Variants in LRRC27 observed in about 807,000 individuals in gnomAD.
LRRC27 encodes the protein leucine rich repeat containing 27.
A neutral mutation model predicts 55.0 loss-of-function variants in LRRC27; 57 were observed. The ratio of observed to expected loss-of-function variants is 1.04; its 90% CI spans 0.84 to 1.29. The LOEUF is 1.29. LRRC27 is among the 50% of genes most tolerant of loss of function. The probability of loss-of-function intolerance (pLI) is 0.00; values close to 1 mark genes in which losing one functional copy is unlikely to be tolerated. For synonymous variants in LRRC27, 278 were observed against 251.9 expected (o/e 1.10, Z -0.98); for missense variants, 721 against 651.5 (o/e 1.11, Z -1.16).
chr10:132,375,535 C>A lies in LRRC27; in HGVS notation c.*293C>A. The stretch of plus-strand genomic sequence containing the variant: ...CAGAGTGCTCACACTCAGGCACTTG[C>A]CTCTCTCCTGTCCTGGAGCCCTTGT... On this transcript the variant is annotated 3_prime_UTR_variant, in exon 11 of 11. Coordinates refer to ENST00000368614, the MANE Select transcript of LRRC27 (RefSeq NM_030626.3). The A allele has an allele frequency of 3.3e-6, 1 of 300,604 alleles. No homozygotes were observed. Among genetic ancestry groups the A allele is most frequent in the Non-Finnish European group, 6.2e-6 (1 of 161,736 alleles). 18.6% of individuals were successfully genotyped at this position (300,604 alleles called of 1,614,324 possible). A position where few individuals can be genotyped will look rare whatever the true frequency, so the allele number is the denominator to read the frequency against.
chr10:132,333,666 C>T lies in LRRC27; in HGVS notation c.142C>T (p.Pro48Ser), dbSNP rs1412842676. 17 of 1,613,648 alleles carry T rather than the reference C, an allele frequency of 1.1e-5. No individual in the cohort carries two copies. In the Admixed American group the frequency reaches 1.8e-4, roughly 17 times the overall value. ...GVGGIIFSSS[P>S]ILDLSESGLC... Reference sequence around the variant, plus strand: ...TGGAGGCATCATCTTTTCCTCCTCACCGATTTTAGACTTGAGTGAAAGTGG... The same window carrying T: ...TGGAGGCATCATCTTTTCCTCCTCATCGATTTTAGACTTGAGTGAAAGTGG... Residue 48 changes from proline to serine, a missense_variant, in exon 2 of 11, where the codon CCG becomes TCG. Physicochemically the swap from Pro to Ser is moderately conservative, Grantham distance 74 (BLOSUM62 -1). Transcript: ENST00000368614.
upstream of LRRC27, chr10:132,330,598 C>G: frequency 1.4e-6 from 1 of 698,684 alleles, no homozygotes; most frequent in Admixed American, 2.0e-5. Context: ...GCCTCAAAAT[C>G]CTAGGTTCAA....
rs529366035 is a variant in LRRC27, at chr10:132,361,825, G to A, written c.1289+250G>A. Among the ~76,000 whole-genome samples the A allele has an allele frequency of 2.2e-3, 337 of 152,168 alleles. 1 individual carries two copies. Among genetic ancestry groups the A allele is most frequent in the African/African-American group, 7.5e-3 (313 of 41,514 alleles). ...GGCTCCTGTAGGTCACCAGGATACA[G>A]AGTGCTCCCGAGCCCTCTGTAGTGG... is the stretch of plus-strand genomic sequence containing the variant. On this transcript the variant is annotated intron_variant, in intron 9 of 10. Coordinates refer to ENST00000368614, the MANE Select transcript of LRRC27 (RefSeq NM_030626.3).
chr10:132,359,921 T>G (rs2068529743), intron 8 of LRRC27, among the ~76,000 whole-genome samples: 1 of 152,198 alleles, frequency 6.6e-6, no homozygotes, highest in African/African-American at 2.4e-5. Context: ...GCCGGTGTGT[T>G]CGTGTTTATA....
chr10:132,341,525 C>T (rs1186895790), intron 3 of LRRC27, among the ~76,000 whole-genome samples: 1 of 152,166 alleles, frequency 6.6e-6, no homozygotes, highest in African/African-American at 2.4e-5. Flanking sequence ...GTCCGTCTGT[C>T]TAGGCATCCA....
chr10:132,349,507 C>T (rs1182681454), intron 6 of LRRC27, among the ~76,000 whole-genome samples: 1 of 152,208 alleles, frequency 6.6e-6, no homozygotes, highest in East Asian at 1.9e-4. Flanking sequence ...TTGTGGTGTT[C>T]TTAGTCCACA....
At chr10:132,363,218 T>C (rs1406270581) in intron 9 of LRRC27, among the ~76,000 whole-genome samples, 47 of 92,820 alleles carry the variant, frequency 5.1e-4, no homozygotes, top group Middle Eastern at 0.011. Context: ...TCACCCCTCT[T>C]ACCTCACAGC....
chr10:132,368,929 C>T (rs1225583607), intron 10 of LRRC27, among the ~76,000 whole-genome samples: 3 of 151,854 alleles, frequency 2.0e-5, no homozygotes, highest in Non-Finnish European at 4.4e-5. Flanking sequence ...TAAAATATAC[C>T]GAGAACTCTG....
intron 8 of LRRC27, among the ~76,000 whole-genome samples, chr10:132,359,954 C>G (rs1021214208): frequency 6.6e-6 from 1 of 152,164 alleles, no homozygotes; most frequent in Non-Finnish European, 1.5e-5. Flanking sequence ...CTTGCTCACT[C>G]AAGAGCTGGA....
rs1482808986 is a variant in LRRC27, at chr10:132,379,300, G to C, written c.*4058G>C. 1.1e-4 allele frequency: 15 copies of C among 134,416 alleles called. No homozygotes were observed. Among genetic ancestry groups the C allele is most frequent in the African/African-American group, 4.4e-4 (15 of 33,798 alleles). The allele number at this position is 134,416 out of a possible 1,614,324, so 8.3% of individuals were successfully genotyped here. ...ACCTCCGTGTTCTCAGGGAGTGCGT[G>C]GTCTTGGATGCCATCCTGCTCATCT... is the stretch of plus-strand genomic sequence containing the variant. On this transcript the variant is annotated 3_prime_UTR_variant, in exon 11 of 11. Transcript: ENST00000368614.
intron 2 of LRRC27, among the ~76,000 whole-genome samples, chr10:132,335,905 T>A (rs575578814): frequency 6.4e-4 from 98 of 152,282 alleles, no homozygotes; most frequent in African/African-American, 2.2e-3. Flanking sequence ...TAGACTAATC[T>A]TCTTTGGTTT....
intron 5 of LRRC27, among the ~76,000 whole-genome samples, chr10:132,345,690 G>A (rs2067649238): frequency 1.3e-5 from 2 of 152,182 alleles, no homozygotes; most frequent in African/African-American, 4.8e-5. Context: ...GAGGGCATGG[G>A]GTGGCCGAGG....
intron 4 of LRRC27, among the ~76,000 whole-genome samples, chr10:132,344,072 C>A (rs1217119736): frequency 6.6e-6 from 1 of 152,158 alleles, no homozygotes; most frequent in Non-Finnish European, 1.5e-5. Flanking sequence ...GCTTTGAAGT[C>A]TTTGTTAAAC....
At position 132,351,713 on chromosome 10, in the gene LRRC27, G is replaced by C. The variant is rs776906636; in HGVS notation, c.1033G>C (p.Glu345Gln). Residue 345 changes from glutamate to glutamine, a missense_variant, in exon 7 of 11, where the codon GAG becomes CAG. Transcript: ENST00000368614. ...AGAGAGCCGAGCGGCGGCGCTCCGA[G>C]AGCTCCAGGAGAAGCAGGCTCTGAT... is the stretch of plus-strand genomic sequence containing the variant. ...LEESRAAALR[E>Q]LQEKQALMEQ... The C allele has an allele frequency of 6.2e-7, 1 of 1,613,588 alleles. No homozygotes were observed. Among genetic ancestry groups the C allele is most frequent in the South Asian group, 1.1e-5 (1 of 91,068 alleles).
At chr10:132,343,808 G>A (rs761557656) in intron 4 of LRRC27, among the ~76,000 whole-genome samples, 2 of 152,232 alleles carry the variant, frequency 1.3e-5, no homozygotes, top group Non-Finnish European at 2.9e-5. Flanking sequence ...AACGCCACAG[G>A]ACTAGGGCCC....
intron 10 of LRRC27, chr10:132,366,279 C>T (rs2069074488): frequency 6.5e-6 from 1 of 152,906 alleles, no homozygotes; most frequent in Non-Finnish European, 1.5e-5. Context: ...CCATGGCTGA[C>T]ACGCTCGGTG....
At position 132,364,425 on chromosome 10, in the gene LRRC27, C is replaced by T. The variant is rs568585945; in HGVS notation, c.1290-999C>T. Among the ~76,000 whole-genome samples, 80 of 146,060 alleles carry T rather than the reference C, an allele frequency of 5.5e-4. 2 individuals carry two copies. The highest frequency in any genetic ancestry group is 8.9e-4 in the African/African-American group (34 of 38,254). ...TCTACCTCCACACCCGCGCTTACAC[C>T]CACGCTTACATCTACCTCCACACCC... is the stretch of plus-strand genomic sequence containing the variant. On this transcript the variant is annotated intron_variant, in intron 9 of 10. Coordinates refer to ENST00000368614, the MANE Select transcript of LRRC27 (RefSeq NM_030626.3).
At chr10:132,345,016 T>A in intron 5 of LRRC27, 1 of 182,838 alleles carries the variant, frequency 5.5e-6, no homozygotes, top group Non-Finnish European at 1.2e-5. Context: ...TATTCCTTAT[T>A]CCTAACGAGG....
upstream of LRRC27, among the ~76,000 whole-genome samples, chr10:132,331,252 C>T (rs562532785): frequency 6.9e-6 from 1 of 144,966 alleles, no homozygotes; most frequent in African/African-American, 2.5e-5. Flanking sequence ...TCCAGCTAAA[C>T]TGTCCGGGTT....
Sources: gnomAD v4.1 joint callset for allele counts (sites outside exome capture counted in the v4.1 genomes callset) on GRCh38, gnomAD v4.1.1 for gene constraint, MANE v1.5 for transcripts, NCBI Gene and HGNC (gene_info 2026-07-23, HGNC 2026-07-21) for gene names.